The following STXBP4 variants were observed in gnomAD, a reference collection of about 807,000 sequenced individuals.
STXBP4 encodes the protein syntaxin binding protein 4, also known as syntaxin-binding protein 4.
In STXBP4, 55 loss-of-function variants were observed where a neutral mutation model predicts 76.1. That is an observed-to-expected ratio of 0.72 (90% CI 0.58 to 0.91). STXBP4 has a LOEUF of 0.91. Among genes scored for constraint, STXBP4 ranks in the 40% least tolerant of loss-of-function variants. The probability of loss-of-function intolerance (pLI) is 0.00; values close to 1 mark genes in which losing one functional copy is unlikely to be tolerated. For synonymous variants in STXBP4, 201 were observed against 220.2 expected (o/e 0.91, Z 0.77); for missense variants, 618 against 636.9 (o/e 0.97, Z 0.32).
At position 55,005,128 on chromosome 17, in the gene STXBP4, A is replaced by G. The variant is rs78274455; in HGVS notation, c.575-2378A>G. On this transcript the variant is annotated intron_variant, in intron 7 of 17. Coordinates refer to ENST00000376352, the MANE Select transcript of STXBP4 (RefSeq NM_178509.6). The stretch of plus-strand genomic sequence containing the variant: ...TTTACATTAAATCTCCTTATAATAC[A>G]GTGTCTCTGTGTTGATATTAACAAT... 9.8e-3 allele frequency among the ~76,000 whole-genome samples: 1,495 copies of G among 152,328 alleles called. 7 individuals carry two copies. Among genetic ancestry groups the G allele is most frequent in the Middle Eastern group, 0.037 (11 of 294 alleles).
chr17:55,067,406 G>T (rs921068774), intron 12 of STXBP4, among the ~76,000 whole-genome samples: 2 of 152,158 alleles, frequency 1.3e-5, no homozygotes, highest in Non-Finnish European at 2.9e-5. Flanking sequence ...ACAACTAAAT[G>T]ATGGAAAAAG....
In STXBP4 at chr17:55,167,671, A is replaced by T. The variant is rs1171047323; in HGVS notation, c.*7760A>T. The T allele has an allele frequency of 6.6e-6, 1 of 152,262 alleles. No individual in the cohort carries two copies. The allele number at this position is 152,262 out of a possible 1,614,324, so 9.4% of individuals were successfully genotyped here. ...ATACAAGGTTAGTGCATTTCAGAGCAGCAGCAAACTTCTGTTCTTATGGGT... is the reference window on the plus strand; with the variant it reads ...ATACAAGGTTAGTGCATTTCAGAGCTGCAGCAAACTTCTGTTCTTATGGGT... On this transcript the variant is annotated 3_prime_UTR_variant, in exon 18 of 18. Coordinates refer to ENST00000376352, the MANE Select transcript of STXBP4 (RefSeq NM_178509.6).
At chr17:55,125,479 C>CAAAAAAAAAAAAAAAA (rs10632680) in intron 16 of STXBP4, among the ~76,000 whole-genome samples, 38 of 91,694 alleles carry the variant, frequency 4.1e-4, no homozygotes, top group Middle Eastern at 8.1e-3. Flanking sequence ...GGACAAAATA[C>CAAAAAAAAAAAAAAAA]AAAAAAAAAA....
intron 16 of STXBP4, among the ~76,000 whole-genome samples, chr17:55,109,340 T>C (rs558364442): frequency 1.2e-3 from 180 of 152,202 alleles, no homozygotes; most frequent in Admixed American, 2.7e-3. Flanking sequence ...TTACAAATTT[T>C]CAAAAAATGT....
In STXBP4 at chr17:55,010,805, T is replaced by C. The variant is rs116421290; in HGVS notation, c.666+3208T>C. Among the ~76,000 whole-genome samples, 488 of 152,308 alleles carry C rather than the reference T, an allele frequency of 3.2e-3. 4 individuals are homozygous for C. Among genetic ancestry groups the C allele is most frequent in the African/African-American group, 0.011 (474 of 41,586 alleles). Reference sequence around the variant, plus strand: ...ATTCTTTGTATTAGGCTGAAAGGTGTGTGACTAATATTGTAACAAAGTAAT... The same window carrying C: ...ATTCTTTGTATTAGGCTGAAAGGTGCGTGACTAATATTGTAACAAAGTAAT... On this transcript the variant is annotated intron_variant, in intron 8 of 17. Coordinates refer to ENST00000376352, the MANE Select transcript of STXBP4 (RefSeq NM_178509.6).
intron 16 of STXBP4, among the ~76,000 whole-genome samples, chr17:55,084,925 C>T (rs571845489): frequency 6.6e-6 from 1 of 152,186 alleles, no homozygotes; most frequent in East Asian, 1.9e-4. Flanking sequence ...TTTATTGCGG[C>T]ATTATTCACA....
At chr17:55,003,907 C>T (rs1042212793) in intron 7 of STXBP4, among the ~76,000 whole-genome samples, 1 of 151,966 alleles carries the variant, frequency 6.6e-6, no homozygotes, top group Non-Finnish European at 1.5e-5. Context: ...TGCGGTGGCT[C>T]ACATCTGTAA....
At chr17:55,014,320 C>T (rs982094770) in intron 8 of STXBP4, among the ~76,000 whole-genome samples, 1 of 152,144 alleles carries the variant, frequency 6.6e-6, no homozygotes, top group African/African-American at 2.4e-5. Flanking sequence ...GTTCCTTCTC[C>T]TATGTTCAGG....
Position 55,172,494 on chromosome 17 carries a change from T to G in STXBP4, c.*12583T>G, listed in dbSNP as rs563716165. On this transcript the variant is annotated 3_prime_UTR_variant, in exon 18 of 18. Coordinates refer to ENST00000376352, the MANE Select transcript of STXBP4 (RefSeq NM_178509.6). ...TAGCCTCAAAACTGAAACTGCAAAC[T>G]GAACAATGCTGCAGTCAGATACACA... 2.0e-5 allele frequency: 3 copies of G among 152,330 alleles called. No individual in the cohort carries two copies. In the East Asian group the frequency reaches 5.8e-4, roughly 29 times the overall value. The allele number at this position is 152,330 out of a possible 1,614,324, so 9.4% of individuals were successfully genotyped here.
At chr17:55,056,171 G>A (rs983871534) in intron 12 of STXBP4, among the ~76,000 whole-genome samples, 3 of 152,052 alleles carry the variant, frequency 2.0e-5, no homozygotes, top group Non-Finnish European at 2.9e-5. Flanking sequence ...AAAGGAAAAA[G>A]AAACAGGTAA....
chr17:55,036,467 T>G (rs1310250511), intron 10 of STXBP4, among the ~76,000 whole-genome samples: 1 of 151,708 alleles, frequency 6.6e-6, no homozygotes, highest in Admixed American at 6.6e-5. Context: ...CATTTTAAAT[T>G]TATTTGGTTT....
rs1413359999 is a variant in STXBP4, at chr17:55,169,299, T to G, written c.*9388T>G. 2 of 142,306 alleles carry G rather than the reference T, an allele frequency of 1.4e-5. No individual in the cohort carries two copies. The highest frequency in any genetic ancestry group is 5.3e-5 in the African/African-American group (2 of 37,848). 8.8% of individuals were successfully genotyped at this position (142,306 alleles called of 1,614,324 possible). On this transcript the variant is annotated 3_prime_UTR_variant, in exon 18 of 18. Transcript: ENST00000376352. ...CCCTAGAGACAAAAAGGTTCTACAGTAGGTTCAAGTCAGAGGCCAGAGAAC... is the reference window on the plus strand; with the variant it reads ...CCCTAGAGACAAAAAGGTTCTACAGGAGGTTCAAGTCAGAGGCCAGAGAAC...
At chr17:55,011,503 TTTTTC>T (rs2078108832) in intron 8 of STXBP4, among the ~76,000 whole-genome samples, 1 of 110,956 alleles carries the variant, frequency 9.0e-6, no homozygotes, top group African/African-American at 3.7e-5. Flanking sequence ...GTTTATTTTC[TTTTTC>T]TTTTTTTTTT....
At chr17:55,069,580 T>G (rs1426395061) in intron 12 of STXBP4, among the ~76,000 whole-genome samples, 1 of 152,220 alleles carries the variant, frequency 6.6e-6, no homozygotes, top group Non-Finnish European at 1.5e-5. Context: ...TTCAATGCAC[T>G]AATCTTTTAA....
At chr17:55,096,046 C>G (rs2079481566) in intron 16 of STXBP4, among the ~76,000 whole-genome samples, 1 of 152,140 alleles carries the variant, frequency 6.6e-6, no homozygotes, top group African/African-American at 2.4e-5. Context: ...CTTCCTGTCT[C>G]TGAAGTCAGG....
chr17:55,057,606 G>T lies in STXBP4; in HGVS notation c.1011+10452G>T, dbSNP rs544891191. ...CAGAACGTGCAGGTTTATTACATAGGTATACATATCCCATGGTGGTTTGCT... is the reference window on the plus strand; with the variant it reads ...CAGAACGTGCAGGTTTATTACATAGTTATACATATCCCATGGTGGTTTGCT... On this transcript the variant is annotated intron_variant, in intron 12 of 17. Transcript: ENST00000376352. Among the ~76,000 whole-genome samples the T allele has an allele frequency of 2.2e-4, 33 of 152,236 alleles. No individual in the cohort carries two copies. The South Asian group carries it at 6.7e-3, about 31-fold the overall frequency.
At chr17:55,178,218 TCCCTACCATGCACCCCA>T (rs1481706521), downstream of STXBP4, among the ~76,000 whole-genome samples, 1 of 152,200 alleles carries the variant, frequency 6.6e-6, no homozygotes, top group African/African-American at 2.4e-5. Flanking sequence ...TATTTCTGAG[TCCCTACCATGCACCCCA>T]CCCTGTTCCA....
Position 55,162,348 on chromosome 17 carries a change from A to G in STXBP4, c.*2437A>G, listed in dbSNP as rs943970332. ...AACCGTAGCAATGTGGTCATCACGAAGTCTTCATTGACTCACTGGCTTGGA... is the reference window on the plus strand; with the variant it reads ...AACCGTAGCAATGTGGTCATCACGAGGTCTTCATTGACTCACTGGCTTGGA... On this transcript the variant is annotated 3_prime_UTR_variant, in exon 18 of 18. Coordinates refer to ENST00000376352, the MANE Select transcript of STXBP4 (RefSeq NM_178509.6). The G allele has an allele frequency of 6.6e-6, 1 of 152,222 alleles. No homozygotes were observed. Among genetic ancestry groups the G allele is most frequent in the Non-Finnish European group, 1.5e-5 (1 of 68,042 alleles). 9.4% of individuals were successfully genotyped at this position (152,222 alleles called of 1,614,324 possible).
chr17:55,023,187 A>C (rs2078345578), intron 8 of STXBP4, among the ~76,000 whole-genome samples: 1 of 152,216 alleles, frequency 6.6e-6, no homozygotes, highest in African/African-American at 2.4e-5. Flanking sequence ...GTATCTATGT[A>C]ATCCTTGAAC....
Sources: gnomAD v4.1 joint callset for allele counts (sites outside exome capture counted in the v4.1 genomes callset) on GRCh38, gnomAD v4.1.1 for gene constraint, MANE v1.5 for transcripts, NCBI Gene and HGNC (gene_info 2026-07-23, HGNC 2026-07-21) for gene names.